Variants in TRPM3 observed in about 807,000 individuals in gnomAD.
TRPM3 encodes long transient receptor potential channel 3.
TRPM3 carries 77 observed loss-of-function variants against 181.2 expected under a neutral mutation model. That is an observed-to-expected ratio of 0.42 (90% CI 0.35 to 0.51). The LOEUF (loss-of-function observed/expected upper bound fraction) is 0.51. Ranked by LOEUF, TRPM3 falls within the 20% of genes least tolerant of loss-of-function variation. TRPM3 has a pLI of 0.01. For synonymous variants in TRPM3, 745 were observed against 796.4 expected, an observed-to-expected ratio of 0.94 and a Z score of 1.09; for missense variants, 1,759 against 2,196.7, an observed-to-expected ratio of 0.80 and a Z score of 3.98.
chr9:71,344,558 A>T (rs141110434), intron 1 of TRPM3, among the ~76,000 whole-genome samples: 1 of 152,332 alleles, frequency 6.6e-6, no homozygotes, highest in East Asian at 1.9e-4. Flanking sequence ...AATATCTCTC[A>T]CAAGTTGCTT....
Position 70,536,467 on chromosome 9 carries a change from AC to A in TRPM3, c.4645del (p.Val1549CysfsTer3), listed in dbSNP as rs761636158. On this transcript the variant is annotated frameshift_variant, in exon 26 of 26. Coordinates refer to ENST00000677713, the MANE Select transcript of TRPM3 (RefSeq NM_001366145.2). LOFTEE classifies it high-confidence loss of function. Reference protein sequence around the residue: ...PSRSYYANFGVPVKTAEYTSI... With the variant: ...PSRSYYANFGXPVKTAEYTSI... The stretch of plus-strand genomic sequence containing the variant: ...TGTGTATTCTGCTGTTTTTACAGGC[AC>A]CCCAAAGTTGGCATAATAGCTCCTT... The A allele has an allele frequency of 1.2e-6, 2 of 1,614,082 alleles. No individual in the cohort carries two copies. Among genetic ancestry groups the A allele is most frequent in the South Asian group, 1.1e-5 (1 of 91,070 alleles).
intron 8 of TRPM3, among the ~76,000 whole-genome samples, chr9:70,699,814 A>C (rs888759788): frequency 1.3e-5 from 2 of 152,154 alleles, no homozygotes; most frequent in Non-Finnish European, 2.9e-5. Context: ...GGCCTGGAAT[A>C]GGGGTGGAGT....
At chr9:70,614,460 T>C (rs1165447546) in intron 18 of TRPM3, among the ~76,000 whole-genome samples, 1 of 152,134 alleles carries the variant, frequency 6.6e-6, no homozygotes, top group African/African-American at 2.4e-5. Flanking sequence ...CACACCATTT[T>C]ACTCCAGCCT....
At chr9:71,090,421 T>C (rs1401329399) in intron 1 of TRPM3, among the ~76,000 whole-genome samples, 1 of 152,166 alleles carries the variant, frequency 6.6e-6, no homozygotes, top group Non-Finnish European at 1.5e-5. Flanking sequence ...CACAAGCAGA[T>C]GAAGTTGTTA....
At chr9:70,801,884 T>G (rs112762741) in intron 6 of TRPM3, among the ~76,000 whole-genome samples, 1,949 of 152,282 alleles carry the variant, frequency 0.013, 50 homozygotes, top group African/African-American at 0.045. Flanking sequence ...ACTAATTCGT[T>G]CACTGAAAAC....
At chr9:70,563,436 T>C (rs1177860667) in intron 22 of TRPM3, among the ~76,000 whole-genome samples, 1 of 152,200 alleles carries the variant, frequency 6.6e-6, no homozygotes, top group Non-Finnish European at 1.5e-5. Flanking sequence ...CTGGAAGAGG[T>C]AGCCCTACGT....
At chr9:70,803,072 T>TC (rs1267202762) in intron 6 of TRPM3, among the ~76,000 whole-genome samples, 1 of 121,736 alleles carries the variant, frequency 8.2e-6, no homozygotes, top group Non-Finnish European at 1.7e-5. Context: ...AAGGCCCAAC[T>TC]CCACCAATTT....
At chr9:71,023,884 G>T (rs1030236585) in intron 1 of TRPM3, among the ~76,000 whole-genome samples, 2 of 152,260 alleles carry the variant, frequency 1.3e-5, no homozygotes, top group Admixed American at 6.5e-5. Flanking sequence ...TGACCCAAAA[G>T]GTCCTTGTGG....
At chr9:70,915,538 T>C (rs1472630645) in intron 1 of TRPM3, among the ~76,000 whole-genome samples, 8 of 151,586 alleles carry the variant, frequency 5.3e-5, no homozygotes, top group Non-Finnish European at 8.8e-5. Context: ...ATCTCCTGAC[T>C]TTGTGATCTG....
At chr9:71,389,599 C>T (rs1197579395) in intron 1 of TRPM3, among the ~76,000 whole-genome samples, 3 of 152,062 alleles carry the variant, frequency 2.0e-5, no homozygotes, top group Non-Finnish European at 4.4e-5. Flanking sequence ...CATCAATCAA[C>T]AAGTGGATAA....
At chr9:70,581,951 TC>T (rs1195291484) in intron 22 of TRPM3, among the ~76,000 whole-genome samples, 4 of 71,648 alleles carry the variant, frequency 5.6e-5, no homozygotes, top group Non-Finnish European at 1.4e-4. Context: ...TTCCTTGTCT[TC>T]TCCTTCCTTT....
intron 1 of TRPM3, among the ~76,000 whole-genome samples, chr9:71,420,703 G>A (rs1316385384): frequency 7.7e-5 from 11 of 142,292 alleles, no homozygotes; most frequent in African/African-American, 1.6e-4. Flanking sequence ...AAGAGAAAGA[G>A]AGAGAAAGAA....
At chr9:71,298,774 G>A (rs895087023) in intron 1 of TRPM3, among the ~76,000 whole-genome samples, 6 of 152,074 alleles carry the variant, frequency 3.9e-5, no homozygotes, top group South Asian at 2.1e-4. Flanking sequence ...GAGTACTTGC[G>A]TCACTAGGCA....
At chr9:70,787,432 A>G (rs1465802060) in intron 6 of TRPM3, among the ~76,000 whole-genome samples, 4 of 152,230 alleles carry the variant, frequency 2.6e-5, no homozygotes, top group African/African-American at 9.7e-5. Flanking sequence ...TACAAACAAA[A>G]GCAGTTTTGA....
intron 8 of TRPM3, among the ~76,000 whole-genome samples, chr9:70,738,800 C>T (rs1019366371): frequency 9.2e-5 from 14 of 152,060 alleles, no homozygotes; most frequent in African/African-American, 2.9e-4. Flanking sequence ...GGAGATATTA[C>T]GACTGATATC....
intron 24 of TRPM3, 122 bp downstream of exon 24, chr9:70,552,722 G>C: frequency 2.0e-6 from 2 of 988,992 alleles, no homozygotes; most frequent in African/African-American, 1.6e-5. Context: ...CAAGCCTTCA[G>C]AGCTGTCTGC....
In TRPM3 at chr9:70,598,480, A is replaced by G; in HGVS notation, c.2987T>C (p.Leu996Pro). 6.2e-7 allele frequency: 1 copy of G among 1,614,212 alleles called. No individual in the cohort carries two copies. The highest frequency in any genetic ancestry group is 8.5e-7 in the Non-Finnish European group (1 of 1,180,042). ...CTTGTTCACGCCGAAGATGTCTAGGAGACGGATATACCAGTAAATGATGTT... is the reference window on the plus strand; with the variant it reads ...CTTGTTCACGCCGAAGATGTCTAGGGGACGGATATACCAGTAAATGATGTT... ...CVNIIYWYIR[L>P]LDIFGVNKYL... is the part of the protein sequence containing the mutation. The change falls in exon 21 of 26, where the codon CTC (leucine) becomes CCC (proline). Residue 996 changes from leucine to proline, a missense_variant. By Grantham distance (98) the Leu-to-Pro change is moderately conservative. Transcript: ENST00000677713.
At chr9:71,198,647 G>A (rs2078560233) in intron 1 of TRPM3, among the ~76,000 whole-genome samples, 2 of 151,464 alleles carry the variant, frequency 1.3e-5, no homozygotes, top group African/African-American at 4.8e-5. Flanking sequence ...GTGAATGGGA[G>A]TTCACTCATG....
chr9:70,652,349 G>A (rs1466013023), intron 9 of TRPM3, among the ~76,000 whole-genome samples: 1 of 152,100 alleles, frequency 6.6e-6, no homozygotes, highest in Non-Finnish European at 1.5e-5. Flanking sequence ...AGGGTGAGCA[G>A]GGAGGGAAGC....
Sources: allele counts gnomAD v4.1 joint callset (sites outside exome capture counted in the v4.1 genomes callset), GRCh38; gene constraint gnomAD v4.1.1; transcripts MANE v1.5; gene names NCBI Gene and HGNC (gene_info 2026-07-23, HGNC 2026-07-21).